The following NEGR1 variants were observed in gnomAD, a reference collection of about 807,000 sequenced individuals.
NEGR1 encodes the protein neuronal growth regulator 1, also known as IgLON family member 4.
Under a neutral mutation model 40.9 loss-of-function variants are expected in NEGR1, and 10 were observed. That is an observed-to-expected ratio of 0.24 (90% CI 0.15 to 0.42). The LOEUF is 0.42. Among genes scored for constraint, NEGR1 ranks in the 10% least tolerant of loss-of-function variants. The probability of loss-of-function intolerance (pLI) is 1.00; values close to 1 mark genes in which losing one functional copy is unlikely to be tolerated. For synonymous variants in NEGR1, 185 were observed against 166.8 expected (o/e 1.11, Z -0.84); for missense variants, 352 against 438.9 (o/e 0.80, Z 1.77).
In NEGR1 at chr1:71,848,037, G is replaced by A. The variant is rs190126436; in HGVS notation, c.410-71740C>T. Among the ~76,000 whole-genome samples the A allele has an allele frequency of 4.2e-3, 641 of 152,246 alleles. 8 individuals are homozygous for A. The highest frequency in any genetic ancestry group is 0.041 in the South Asian group (198 of 4,824). ...GAAATTTTAGTGGTCTGGATAGATC[G>A]AATAGCCACAACAGTCCCTTAAGCC... On this transcript the variant is annotated intron_variant, in intron 2 of 6. Transcript: ENST00000357731.
intron 4 of NEGR1, among the ~76,000 whole-genome samples, chr1:71,664,955 GAATGACTATCCAAATGTGGA>G (rs1652191166): frequency 6.6e-6 from 1 of 151,976 alleles, no homozygotes; most frequent in African/African-American, 2.4e-5. Flanking sequence ...CCTTCCTTTG[GAATGACTATCCAAATGTGGA>G]AATGACTTAA....
chr1:72,036,842 G>T (rs1646908256), intron 1 of NEGR1, among the ~76,000 whole-genome samples: 1 of 151,856 alleles, frequency 6.6e-6, no homozygotes, highest in South Asian at 2.1e-4. Context: ...AATCAATATG[G>T]TTAATTTCTT....
intron 2 of NEGR1, among the ~76,000 whole-genome samples, chr1:71,873,590 CTAAA>C (rs1389906077): frequency 2.6e-5 from 4 of 152,084 alleles, no homozygotes; most frequent in African/African-American, 4.8e-5. Context: ...ATTGTGCACT[CTAAA>C]TAATCTATGT....
intron 6 of NEGR1, among the ~76,000 whole-genome samples, chr1:71,563,812 G>A (rs1214393782): frequency 6.6e-6 from 1 of 151,852 alleles, no homozygotes; most frequent in Non-Finnish European, 1.5e-5. Flanking sequence ...AAAAATAAAG[G>A]AAGGATCACA....
intron 6 of NEGR1, among the ~76,000 whole-genome samples, chr1:71,450,430 GAC>G (rs1298017526): frequency 6.6e-6 from 1 of 152,126 alleles, no homozygotes; most frequent in East Asian, 1.9e-4. Context: ...TAAAATATAA[GAC>G]ACATTTTTTA....
In NEGR1 at chr1:71,399,283, A is replaced by T. The variant is rs1646231262; in HGVS notation, c.*8163T>A. Reference sequence around the variant, plus strand: ...AAATTGCTTATTCAAATGTAAAAAAAAAAACCCAGTCTTTCTCCTTGTCAA... The same window carrying T: ...AAATTGCTTATTCAAATGTAAAAAATAAAACCCAGTCTTTCTCCTTGTCAA... On this transcript the variant is annotated 3_prime_UTR_variant, in exon 7 of 7. Coordinates refer to ENST00000357731, the MANE Select transcript of NEGR1 (RefSeq NM_173808.3). 1 of 152,318 alleles carries T rather than the reference A, an allele frequency of 6.6e-6. No individual in the cohort carries two copies. The highest frequency in any genetic ancestry group is 2.1e-4 in the South Asian group (1 of 4,834). 9.4% of individuals were successfully genotyped at this position (152,318 alleles called of 1,614,324 possible).
chr1:71,873,086 G>A (rs1474262817), intron 2 of NEGR1, among the ~76,000 whole-genome samples: 1 of 141,990 alleles, frequency 7.0e-6, no homozygotes, highest in African/African-American at 2.7e-5. Context: ...GAAATTGGGA[G>A]GTATGTTGAA....
At chr1:71,992,094 C>T (rs1646458436) in intron 1 of NEGR1, among the ~76,000 whole-genome samples, 1 of 151,984 alleles carries the variant, frequency 6.6e-6, no homozygotes, top group South Asian at 2.1e-4. Flanking sequence ...TGTGCCCGGG[C>T]ATGAGTTTAC....
intron 4 of NEGR1, among the ~76,000 whole-genome samples, chr1:71,612,352 A>C (rs184105966): frequency 6.6e-6 from 1 of 152,164 alleles, no homozygotes; most frequent in Non-Finnish European, 1.5e-5. Context: ...ATATTCCAAG[A>C]TCATTACACA....
chr1:71,700,424 T>C (rs1478858843), intron 3 of NEGR1, among the ~76,000 whole-genome samples: 1 of 152,024 alleles, frequency 6.6e-6, no homozygotes, highest in East Asian at 1.9e-4. Flanking sequence ...TTAAAACATG[T>C]ATGTGTCATT....
intron 2 of NEGR1, among the ~76,000 whole-genome samples, chr1:71,896,176 T>A (rs931797926): frequency 2.6e-5 from 4 of 152,020 alleles, no homozygotes; most frequent in African/African-American, 9.7e-5. Context: ...TAGCTGGGAT[T>A]ACAGGTGCAT....
At chr1:71,605,259 G>A (rs1024282114) in intron 5 of NEGR1, among the ~76,000 whole-genome samples, 2 of 151,978 alleles carry the variant, frequency 1.3e-5, no homozygotes, top group Non-Finnish European at 1.5e-5. Context: ...TTTTATATAT[G>A]TATACATTGT....
At chr1:72,007,376 A>G (rs1646616892) in intron 1 of NEGR1, among the ~76,000 whole-genome samples, 2 of 151,660 alleles carry the variant, frequency 1.3e-5, no homozygotes, top group African/African-American at 4.8e-5. Context: ...TACATATATG[A>G]AAGAATTAAA....
intron 1 of NEGR1, among the ~76,000 whole-genome samples, chr1:72,107,380 C>T (rs1649178417): frequency 6.6e-6 from 1 of 151,294 alleles, no homozygotes; most frequent in South Asian, 2.1e-4. Flanking sequence ...AAAAATTAGC[C>T]TGGGAAAAGT....
intron 4 of NEGR1, among the ~76,000 whole-genome samples, chr1:71,686,471 A>G (rs1653043713): frequency 2.0e-5 from 3 of 152,122 alleles, no homozygotes; most frequent in Admixed American, 2.0e-4. Flanking sequence ...TCATCCTGAA[A>G]GCTAATGGGT....
At chr1:71,432,499 A>T (rs1646476372) in intron 6 of NEGR1, among the ~76,000 whole-genome samples, 1 of 152,154 alleles carries the variant, frequency 6.6e-6, no homozygotes, top group Non-Finnish European at 1.5e-5. Context: ...AGAGGTCAGT[A>T]GGCTCTAGAA....
At chr1:71,563,179 A>G (rs1328143854) in intron 6 of NEGR1, among the ~76,000 whole-genome samples, 1 of 152,022 alleles carries the variant, frequency 6.6e-6, no homozygotes, top group African/African-American at 2.4e-5. Flanking sequence ...TGGAATAGAG[A>G]GAGAGAGGAC....
At chr1:71,967,252 A>G (rs888119805) in intron 1 of NEGR1, among the ~76,000 whole-genome samples, 2 of 152,168 alleles carry the variant, frequency 1.3e-5, no homozygotes, top group Non-Finnish European at 2.9e-5. Flanking sequence ...AAATGCCACA[A>G]CTCTGTAATA....
chr1:72,225,089 G>A (rs1654133307), intron 1 of NEGR1, among the ~76,000 whole-genome samples: 1 of 152,036 alleles, frequency 6.6e-6, no homozygotes, highest in South Asian at 2.1e-4. Context: ...TTAGACCTCA[G>A]GAATCTAACA....
Sources: gnomAD v4.1 joint callset for allele counts (sites outside exome capture counted in the v4.1 genomes callset) on GRCh38, gnomAD v4.1.1 for gene constraint, MANE v1.5 for transcripts, NCBI Gene and HGNC (gene_info 2026-07-23, HGNC 2026-07-21) for gene names.